The following MORN5 variants were observed in gnomAD, a reference collection of about 807,000 sequenced individuals.
MORN5 encodes MORN repeat containing 5.
A neutral mutation model predicts 22.1 loss-of-function variants in MORN5; 21 were observed. That is an observed-to-expected ratio of 0.95 (90% CI 0.67 to 1.37). The LOEUF is 1.37. Ranked by LOEUF, MORN5 falls within the 40% of genes most tolerant of loss-of-function variation. The pLI is 0.00. For synonymous variants in MORN5, 73 were observed against 74.0 expected, an observed-to-expected ratio of 0.99 and a Z score of 0.07; for missense variants, 211 against 215.1, an observed-to-expected ratio of 0.98 and a Z score of 0.12.
intron 1 of MORN5, among the ~76,000 whole-genome samples, chr9:122,163,108 T>A (rs1052552914): frequency 2.6e-5 from 4 of 151,858 alleles, no homozygotes; most frequent in African/African-American, 9.7e-5. Flanking sequence ...TTTGGAGTAG[T>A]CGCACAATTG....
intron 4 of MORN5, among the ~76,000 whole-genome samples, chr9:122,176,696 G>A (rs1422250704): frequency 6.6e-6 from 1 of 152,104 alleles, no homozygotes; most frequent in Non-Finnish European, 1.5e-5. Flanking sequence ...GGCCAACATA[G>A]TGAAACCCCA....
At chr9:122,182,913 A>G (rs753306677) in intron 4 of MORN5, among the ~76,000 whole-genome samples, 11 of 152,216 alleles carry the variant, frequency 7.2e-5, no homozygotes, top group Non-Finnish European at 1.5e-4. Context: ...TTCAAGTCCC[A>G]ATCTTCCCAA....
At chr9:122,172,445 T>C (rs114013889) in intron 3 of MORN5, among the ~76,000 whole-genome samples, 2,089 of 152,236 alleles carry the variant, frequency 0.014, 51 homozygotes, top group African/African-American at 0.048. Flanking sequence ...CCTCTTGCGA[T>C]ACTTGCTTTC....
At chr9:122,170,298 G>GAAA (rs34931205) in intron 3 of MORN5, among the ~76,000 whole-genome samples, 8 of 130,398 alleles carry the variant, frequency 6.1e-5, no homozygotes, top group Admixed American at 8.1e-5. Flanking sequence ...TCTGGTCTCA[G>GAAA]AAAAAAAAAA....
chr9:122,167,019 A>C, intron 2 of MORN5, 104 bp downstream of exon 2: 4 of 1,071,814 alleles, frequency 3.7e-6, no homozygotes, highest in South Asian at 2.0e-5. Flanking sequence ...ACCTTGTTCC[A>C]TTCACTCTTC....
chr9:122,199,909 C>A lies in MORN5; in HGVS notation c.464C>A (p.Thr155Asn). The A allele has an allele frequency of 6.2e-7, 1 of 1,614,004 alleles. No homozygotes were observed. The highest frequency in any genetic ancestry group is 8.5e-7 in the Non-Finnish European group (1 of 1,179,896). The part of the protein sequence containing the change: ...NADDDEHEWI[T>N]RTCRKG Reference sequence around the variant, plus strand: ...GATGATGACGAGCATGAGTGGATCACCCGTACCTGTCGAAAGGGCTAGGAT... The same window carrying A: ...GATGATGACGAGCATGAGTGGATCAACCGTACCTGTCGAAAGGGCTAGGAT... The change falls in exon 5 of 5, where the codon ACC becomes AAC. Residue 155 changes from threonine (T) to asparagine (N), a missense_variant. By Grantham distance (65) the Thr-to-Asn change is moderately conservative. Coordinates refer to ENST00000373764, the MANE Select transcript of MORN5 (RefSeq NM_198469.4).
At chr9:122,169,076 G>T (rs137947992) in intron 2 of MORN5, among the ~76,000 whole-genome samples, 28 of 152,248 alleles carry the variant, frequency 1.8e-4, no homozygotes, top group African/African-American at 6.7e-4. Flanking sequence ...GGGAATTGGC[G>T]CTTCCTCTGC....
intron 4 of MORN5, among the ~76,000 whole-genome samples, chr9:122,177,692 C>T (rs1209096083): frequency 2.6e-5 from 4 of 152,212 alleles, no homozygotes; most frequent in African/African-American, 9.6e-5. Flanking sequence ...CTCGGCCTCC[C>T]AAAGTGCTGG....
chr9:122,197,368 A>G lies in MORN5; in HGVS notation c.440-2517A>G, dbSNP rs1337913524. ...GACAATCATATTAACATATTCCAACAATCGCAATTTGCAAAATAGTAATCA... is the reference window on the plus strand; with the variant it reads ...GACAATCATATTAACATATTCCAACGATCGCAATTTGCAAAATAGTAATCA... On this transcript the variant is annotated intron_variant, in intron 4 of 4. Coordinates refer to ENST00000373764, the MANE Select transcript of MORN5 (RefSeq NM_198469.4). The surrounding 1 kb of genome is among the most constrained non-coding windows in gnomAD (Gnocchi z 5.7). Among the ~76,000 whole-genome samples, 1 of 152,222 alleles carries G rather than the reference A, an allele frequency of 6.6e-6. No individual in the cohort carries two copies. The highest frequency in any genetic ancestry group is 2.1e-4 in the South Asian group (1 of 4,832).
intron 4 of MORN5, among the ~76,000 whole-genome samples, chr9:122,190,757 G>T (rs553460247): frequency 6.6e-6 from 1 of 152,408 alleles, no homozygotes; most frequent in East Asian, 1.9e-4. Context: ...CAATGCTGTG[G>T]CCTTGGCCTC....
chr9:122,185,983 C>T (rs911540087), intron 4 of MORN5, among the ~76,000 whole-genome samples: 1 of 152,238 alleles, frequency 6.6e-6, no homozygotes, highest in Non-Finnish European at 1.5e-5. Context: ...GTTATAATCA[C>T]CTGGAGGCTG....
At chr9:122,189,420 C>T (rs1829709948) in intron 4 of MORN5, among the ~76,000 whole-genome samples, 1 of 151,864 alleles carries the variant, frequency 6.6e-6, no homozygotes, top group South Asian at 2.1e-4. Context: ...AATCCAAGAC[C>T]CCATATCTAC....
At chr9:122,193,673 T>C (rs1588317970) in intron 4 of MORN5, among the ~76,000 whole-genome samples, 1 of 152,276 alleles carries the variant, frequency 6.6e-6, no homozygotes, top group African/African-American at 2.4e-5. Context: ...TTCAATTTTA[T>C]ATACACTAAT....
At chr9:122,163,885 T>C (rs1446262745) in intron 1 of MORN5, among the ~76,000 whole-genome samples, 1 of 152,168 alleles carries the variant, frequency 6.6e-6, no homozygotes, top group Admixed American at 6.5e-5. Context: ...ATCATAGGTT[T>C]TGAGGGGTTT....
At chr9:122,166,136 C>G (rs1829273067) in intron 1 of MORN5, among the ~76,000 whole-genome samples, 2 of 152,184 alleles carry the variant, frequency 1.3e-5, no homozygotes, top group Middle Eastern at 3.4e-3. Context: ...TATTCACTAT[C>G]ATGAGAACAG....
chr9:122,174,326 T>C (rs544162251), intron 3 of MORN5, among the ~76,000 whole-genome samples, 170 bp from the exon 4 acceptor site: 53 of 152,152 alleles, frequency 3.5e-4, no homozygotes, highest in Non-Finnish European at 6.0e-4. Flanking sequence ...GAAAGTTCCT[T>C]TGGGGCACCG....
chr9:122,159,915 T>C lies in MORN5; in HGVS notation c.-58T>C. 6.4e-7 allele frequency: 1 copy of C among 1,567,082 alleles called. No individual in the cohort carries two copies. Among genetic ancestry groups the C allele is most frequent in the Non-Finnish European group, 8.8e-7 (1 of 1,137,178 alleles). On this transcript the variant is annotated 5_prime_UTR_variant, in exon 1 of 5. Coordinates refer to ENST00000373764, the MANE Select transcript of MORN5 (RefSeq NM_198469.4). ...CGCCCACCCCTCCAGGTTGTCATAG[T>C]GATGCCGTATCCACTGAGACTCCGG...
At chr9:122,168,107 G>A (rs1829314043) in intron 2 of MORN5, among the ~76,000 whole-genome samples, 1 of 152,178 alleles carries the variant, frequency 6.6e-6, no homozygotes, top group Non-Finnish European at 1.5e-5. Flanking sequence ...GCCATGTAAA[G>A]TAGCATATTC....
intron 2 of MORN5, among the ~76,000 whole-genome samples, chr9:122,168,515 G>A (rs1456837067): frequency 6.6e-6 from 1 of 152,182 alleles, no homozygotes; most frequent in African/African-American, 2.4e-5. Context: ...ATAGCTTGGA[G>A]AGTCTAAGCC....
Sources: allele counts gnomAD v4.1 joint callset (sites outside exome capture counted in the v4.1 genomes callset), GRCh38; gene constraint gnomAD v4.1.1; non-coding constraint Gnocchi (gnomAD v3.1); transcripts MANE v1.5; gene names NCBI Gene and HGNC (gene_info 2026-07-23, HGNC 2026-07-21).